The following NR3C2 variants were observed in gnomAD, a reference collection of about 807,000 sequenced individuals.
NR3C2 encodes the protein nuclear receptor subfamily 3 group C member 2, also known as mineralocorticoid receptor.
Under a neutral mutation model 86.4 loss-of-function variants are expected in NR3C2, and 15 were observed. The ratio of observed to expected loss-of-function variants is 0.17; its 90% CI spans 0.12 to 0.27. NR3C2 has a LOEUF of 0.27. NR3C2 is among the 10% of genes least tolerant of loss of function. The probability of loss-of-function intolerance (pLI) is 1.00; values close to 1 mark genes in which losing one functional copy is unlikely to be tolerated. For synonymous variants in NR3C2, 458 were observed against 450.5 expected, an observed-to-expected ratio of 1.02 and a Z score of -0.21; for missense variants, 960 against 1,195.6, an observed-to-expected ratio of 0.80 and a Z score of 2.91.
chr4:148,278,510 G>T (rs916869215), intron 2 of NR3C2, among the ~76,000 whole-genome samples: 4 of 152,078 alleles, frequency 2.6e-5, no homozygotes, highest in Non-Finnish European at 5.9e-5. Context: ...GATTACAAAT[G>T]GTAACTCAAG....
At chr4:148,201,758 C>G (rs980424175) in intron 3 of NR3C2, among the ~76,000 whole-genome samples, 12 of 152,132 alleles carry the variant, frequency 7.9e-5, no homozygotes, top group Admixed American at 6.5e-4. Flanking sequence ...TCTGGCTCCA[C>G]TAATTTCATG....
In NR3C2 at chr4:148,154,956, G is replaced by A. The variant is rs187822814; in HGVS notation, c.2015-55C>T. 1.2e-3 allele frequency: 1,599 copies of A among 1,369,974 alleles called. 30 individuals are homozygous for A. The Admixed American group carries it at 0.028, about 24-fold the overall frequency. The allele number at this position is 1,369,974 out of a possible 1,614,324, so 84.9% of individuals were successfully genotyped here. On this transcript the variant is annotated intron_variant, in intron 4 of 8. Transcript: ENST00000358102. The stretch of plus-strand genomic sequence containing the variant: ...ATTAAAATTATGTTTGAAATATGCT[G>A]ACTCACACTGGTTAAAGTACAGTTT...
rs774471194 is a variant in NR3C2, at chr4:148,260,070, A to G, written c.1805T>C (p.Ile602Thr). 2 of 1,614,082 alleles carry G rather than the reference A, an allele frequency of 1.2e-6. No individual in the cohort carries two copies. Among genetic ancestry groups the G allele is most frequent in the Non-Finnish European group, 1.7e-6 (2 of 1,180,000 alleles). The part of the protein sequence containing the change: ...VSTGSSRPSK[I>T]CLVCGDEASG... ...AGCCTCATCCCCACACACCAAACAT[A>G]TTTTTGAAGGTCTTGAAGATCCAGT... Residue 602 changes from isoleucine (I) to threonine (T), a missense_variant, in exon 3 of 9, where the codon ATA becomes ACA. Ile to Thr is a moderately conservative substitution (Grantham distance 89, BLOSUM62 -1). This residue lies in a region of NR3C2 where 47 missense variants were observed against 107.3 expected (regional missense o/e 0.44). Coordinates refer to ENST00000358102, the MANE Select transcript of NR3C2 (RefSeq NM_000901.5).
chr4:148,341,065 A>T (rs1473873944), intron 2 of NR3C2, among the ~76,000 whole-genome samples: 1 of 152,032 alleles, frequency 6.6e-6, no homozygotes, highest in Non-Finnish European at 1.5e-5. Context: ...ACATATGGAG[A>T]CTCCTCAAAA....
rs187710551 is a variant in NR3C2, at chr4:148,331,754, G to C, written c.1758-71637C>G. Among the ~76,000 whole-genome samples the C allele has an allele frequency of 1.0e-3, 152 of 152,282 alleles. 1 individual carries two copies. The highest frequency in any genetic ancestry group is 3.3e-3 in the African/African-American group (139 of 41,554). ...TGTTTCACATCCAGATGAACAAAGG[G>C]TGTGATAAGATGAAGCATAAAATCT... is the stretch of plus-strand genomic sequence containing the variant. On this transcript the variant is annotated intron_variant, in intron 2 of 8. Transcript: ENST00000358102.
intron 4 of NR3C2, among the ~76,000 whole-genome samples, chr4:148,166,978 A>G (rs940000783): frequency 1.3e-5 from 2 of 152,232 alleles, no homozygotes; most frequent in Non-Finnish European, 2.9e-5. Context: ...TTGATAGTAC[A>G]GAAATTAAAC....
chr4:148,400,201 A>G (rs947006873), intron 2 of NR3C2, among the ~76,000 whole-genome samples: 8 of 152,368 alleles, frequency 5.3e-5, no homozygotes, highest in African/African-American at 1.9e-4. Context: ...TAAGGCAAAT[A>G]TCAAAAATTC....
chr4:148,139,435 CA>C (rs34618929), intron 6 of NR3C2, among the ~76,000 whole-genome samples: 101,124 of 151,978 alleles, frequency 0.67, 33,801 homozygotes, highest in East Asian at 0.8. Flanking sequence ...CAGAATCCTT[CA>C]AAATCTCCCT....
At chr4:148,289,904 A>G (rs1014883453) in intron 2 of NR3C2, among the ~76,000 whole-genome samples, 12 of 152,150 alleles carry the variant, frequency 7.9e-5, no homozygotes, top group African/African-American at 2.7e-4. Context: ...TCAGTTCAAC[A>G]GCCTGCAAAG....
intron 6 of NR3C2, among the ~76,000 whole-genome samples, chr4:148,137,270 C>G (rs149638492): frequency 3.3e-5 from 5 of 152,212 alleles, no homozygotes; most frequent in East Asian, 1.9e-4. Context: ...GAAAACAGCA[C>G]GCACTGTGAG....
chr4:148,125,416 A>G (rs898767890), intron 6 of NR3C2, among the ~76,000 whole-genome samples: 6 of 151,974 alleles, frequency 3.9e-5, no homozygotes, highest in African/African-American at 1.5e-4. Context: ...GCTTCCTGTC[A>G]CCTTTCTCTG....
chr4:148,186,240 T>G (rs528207475), intron 4 of NR3C2, among the ~76,000 whole-genome samples: 1 of 152,366 alleles, frequency 6.6e-6, no homozygotes, highest in Admixed American at 6.5e-5. Context: ...TTCATGTGTT[T>G]CAAGAACCAA....
At chr4:148,377,222 A>C (rs1237502291) in intron 2 of NR3C2, among the ~76,000 whole-genome samples, 1 of 152,226 alleles carries the variant, frequency 6.6e-6, no homozygotes, top group African/African-American at 2.4e-5. Context: ...GATTTGGGGC[A>C]GGAAGAAGAG....
intron 2 of NR3C2, among the ~76,000 whole-genome samples, chr4:148,391,383 A>G (rs72658609): frequency 0.015 from 2,360 of 152,338 alleles, 67 homozygotes; most frequent in African/African-American, 0.053. Context: ...TAGCATTTGT[A>G]TAATTCTTAC....
In NR3C2 at chr4:148,090,332, G is replaced by A. The variant is rs537486323; in HGVS notation, c.2800-8833C>T. ...GGGCTTGGCACATGACCTGAAGGTC[G>A]CATGGCCATTGGGGGACCAGCAAGT... On this transcript the variant is annotated intron_variant, in intron 8 of 8. Coordinates refer to ENST00000358102, the MANE Select transcript of NR3C2 (RefSeq NM_000901.5). Among the ~76,000 whole-genome samples the A allele has an allele frequency of 2.6e-5, 4 of 152,344 alleles. No homozygotes were observed. The East Asian group carries it at 5.8e-4, about 22-fold the overall frequency.
chr4:148,121,513 C>T (rs1183985881), intron 6 of NR3C2, among the ~76,000 whole-genome samples: 1 of 152,156 alleles, frequency 6.6e-6, no homozygotes, highest in East Asian at 1.9e-4. Flanking sequence ...ACTATTTTTG[C>T]AATATGTGCA....
chr4:148,317,805 AT>A (rs74674872), intron 2 of NR3C2, among the ~76,000 whole-genome samples: 60,091 of 149,064 alleles, frequency 0.4, 14,002 homozygotes, highest in African/African-American at 0.66. Flanking sequence ...AGTCTATCTC[AT>A]TTTTTTTTTT....
chr4:148,444,570 C>A (rs1750499332), upstream of NR3C2: 6 of 988,156 alleles, frequency 6.1e-6, no homozygotes, highest in South Asian at 2.3e-4. Context: ...GGAAGGGGAA[C>A]GGCTAGACTC....
At chr4:148,239,630 A>G (rs1015083078) in intron 3 of NR3C2, among the ~76,000 whole-genome samples, 5 of 152,232 alleles carry the variant, frequency 3.3e-5, no homozygotes, top group African/African-American at 7.2e-5. Context: ...GGAAGCCACC[A>G]GGCCACCAGA....
Sources: gnomAD v4.1 joint callset for allele counts (sites outside exome capture counted in the v4.1 genomes callset) on GRCh38, gnomAD v4.1.1 for gene constraint, gnomAD v4.1.1 regional missense constraint, MANE v1.5 for transcripts, NCBI Gene and HGNC (gene_info 2026-07-23, HGNC 2026-07-21) for gene names.